Variants in NFIA observed in about 807,000 individuals in gnomAD.
The protein encoded by NFIA is nuclear factor I A, also known as nuclear factor 1 A-type.
Under a neutral mutation model 62.8 loss-of-function variants are expected in NFIA, and 8 were observed. The observed-to-expected ratio is 0.13, with a 90% CI of 0.07 to 0.23. NFIA has a LOEUF of 0.23. Ranked by LOEUF, NFIA falls within the 10% of genes least tolerant of loss-of-function variation. NFIA has a pLI of 1.00. For synonymous variants in NFIA, 235 were observed against 238.1 expected (o/e 0.99, Z 0.12); for missense variants, 410 against 642.1 (o/e 0.64, Z 3.91).
intron 2 of NFIA, among the ~76,000 whole-genome samples, chr1:61,124,515 C>T (rs1050014876): frequency 6.6e-6 from 1 of 152,114 alleles, no homozygotes; most frequent in African/African-American, 2.4e-5. Context: ...AGCAGGCATT[C>T]CAGGTATTTG....
rs191126131 is a variant in NFIA, at chr1:61,294,496, A to G, written c.625+16911A>G. Reference sequence around the variant, plus strand: ...AAAGGCGATTGAAATCATTCTTTTCATTTGCCAATAAGTTGTAAAGGTTAT... The same window carrying G: ...AAAGGCGATTGAAATCATTCTTTTCGTTTGCCAATAAGTTGTAAAGGTTAT... On this transcript the variant is annotated intron_variant, in intron 3 of 10. Coordinates refer to ENST00000403491, the MANE Select transcript of NFIA (RefSeq NM_001134673.4). 6.3e-4 allele frequency among the ~76,000 whole-genome samples: 96 copies of G among 152,294 alleles called. 1 individual carries two copies. The highest frequency in any genetic ancestry group is 2.2e-3 in the African/African-American group (93 of 41,566).
intron 5 of NFIA, among the ~76,000 whole-genome samples, chr1:61,357,928 A>G (rs948610639): frequency 6.6e-6 from 1 of 152,192 alleles, no homozygotes; most frequent in African/African-American, 2.4e-5. Context: ...GTGGCATTCA[A>G]TTAAAACAAC....
chr1:61,300,130 C>T (rs2970457), intron 3 of NFIA, among the ~76,000 whole-genome samples: 70,248 of 151,772 alleles, frequency 0.46, 18,967 homozygotes, highest in Admixed American at 0.65. Context: ...AGTTGTTTTC[C>T]GCATTTCCAC....
chr1:61,324,917 G>A (rs1245671145), intron 3 of NFIA, among the ~76,000 whole-genome samples: 2 of 152,178 alleles, frequency 1.3e-5, no homozygotes, highest in African/African-American at 4.8e-5. Context: ...AGGTATTGAA[G>A]TCTGTGCTCT....
chr1:61,342,556 C>T (rs1661980834), intron 4 of NFIA, among the ~76,000 whole-genome samples: 1 of 152,164 alleles, frequency 6.6e-6, no homozygotes, highest in Admixed American at 6.5e-5. Context: ...ATTGCTAACC[C>T]CTCTGTGGAC....
At chr1:61,421,739 G>T (rs1384063283) in intron 9 of NFIA, among the ~76,000 whole-genome samples, 1 of 152,196 alleles carries the variant, frequency 6.6e-6, no homozygotes, top group East Asian at 1.9e-4. Context: ...ATATGGAGGG[G>T]TGTTTGTTCA....
intron 6 of NFIA, among the ~76,000 whole-genome samples, chr1:61,368,953 A>G (rs1663741204): frequency 6.6e-6 from 1 of 152,200 alleles, no homozygotes; most frequent in Admixed American, 6.6e-5. Context: ...TAACTGGTTA[A>G]ATAAGTACCC....
rs1668252383 is a variant in NFIA, at chr1:61,455,372, C to T, written c.*52C>T. On this transcript the variant is annotated 3_prime_UTR_variant, in exon 11 of 11. Coordinates refer to ENST00000403491, the MANE Select transcript of NFIA (RefSeq NM_001134673.4). ...GACAGACCACCTGACCCCTTCTCAACTCTGTAACATGGACGCAACCTCAAC... is the reference window on the plus strand; with the variant it reads ...GACAGACCACCTGACCCCTTCTCAATTCTGTAACATGGACGCAACCTCAAC... 1 of 1,614,138 alleles carries T rather than the reference C, an allele frequency of 6.2e-7. No homozygotes were observed. Among genetic ancestry groups the T allele is most frequent in the Non-Finnish European group, 8.5e-7 (1 of 1,180,002 alleles).
chr1:61,171,606 G>T (rs1023162867), intron 2 of NFIA, among the ~76,000 whole-genome samples: 6 of 152,162 alleles, frequency 3.9e-5, no homozygotes, highest in African/African-American at 9.7e-5. Context: ...TTTTTGGTAG[G>T]TCTTTCTTGA....
intron 3 of NFIA, among the ~76,000 whole-genome samples, chr1:61,316,100 C>T (rs181450267): frequency 9.2e-5 from 14 of 152,250 alleles, no homozygotes; most frequent in Middle Eastern, 3.4e-3. Context: ...TCCAAATTGT[C>T]GAGTTTATAT....
intron 6 of NFIA, among the ~76,000 whole-genome samples, chr1:61,377,595 A>G (rs1191587912): frequency 6.6e-6 from 1 of 152,210 alleles, no homozygotes; most frequent in Non-Finnish European, 1.5e-5. Flanking sequence ...TTTAAAAACT[A>G]AAGTGCTGAG....
intron 6 of NFIA, among the ~76,000 whole-genome samples, chr1:61,374,840 T>C (rs1307643441): frequency 6.6e-6 from 1 of 152,186 alleles, no homozygotes; most frequent in Non-Finnish European, 1.5e-5. Context: ...ATAAAAATGA[T>C]TTTAAAACAT....
intron 3 of NFIA, among the ~76,000 whole-genome samples, chr1:61,318,995 C>T (rs1660522697): frequency 6.6e-6 from 1 of 152,080 alleles, no homozygotes; most frequent in Non-Finnish European, 1.5e-5. Flanking sequence ...ACCCAGTGCC[C>T]TTTCAGTAAT....
chr1:61,303,180 A>G (rs566300476), intron 3 of NFIA, among the ~76,000 whole-genome samples: 1 of 152,306 alleles, frequency 6.6e-6, no homozygotes, highest in African/African-American at 2.4e-5. Flanking sequence ...AGTACCTTGC[A>G]CAGGTCAAAT....
At chr1:61,186,115 G>C (rs1421277536) in intron 2 of NFIA, among the ~76,000 whole-genome samples, 1 of 152,074 alleles carries the variant, frequency 6.6e-6, no homozygotes, top group Non-Finnish European at 1.5e-5. Flanking sequence ...CATAAGAATT[G>C]TATTATAAAA....
chr1:61,176,870 T>C (rs773230341), intron 2 of NFIA, among the ~76,000 whole-genome samples: 132 of 152,196 alleles, frequency 8.7e-4, no homozygotes, highest in Middle Eastern at 3.4e-3. Flanking sequence ...TTTGGGAGGC[T>C]GCGGCGGGCA....
chr1:61,231,887 CAA>C (rs567787634), intron 2 of NFIA, among the ~76,000 whole-genome samples: 1 of 151,360 alleles, frequency 6.6e-6, no homozygotes, highest in Non-Finnish European at 1.5e-5. Context: ...AAAAACAAAA[CAA>C]GAAATAATAC....
chr1:61,191,773 T>C (rs543183133), intron 2 of NFIA, among the ~76,000 whole-genome samples: 1 of 152,174 alleles, frequency 6.6e-6, no homozygotes, highest in East Asian at 1.9e-4. Flanking sequence ...TCTGCTTTTT[T>C]CCCCCCACAG....
At chr1:61,127,546 C>T (rs1322327631) in intron 2 of NFIA, among the ~76,000 whole-genome samples, 1 of 152,060 alleles carries the variant, frequency 6.6e-6, no homozygotes, top group East Asian at 1.9e-4. Flanking sequence ...GAGAGCTCCC[C>T]AAATGACCAT....
Sources: gnomAD v4.1 joint callset for allele counts (sites outside exome capture counted in the v4.1 genomes callset) on GRCh38, gnomAD v4.1.1 for gene constraint, MANE v1.5 for transcripts, NCBI Gene and HGNC (gene_info 2026-07-23, HGNC 2026-07-21) for gene names.